The following RORA variants were observed in gnomAD, a reference collection of about 807,000 sequenced individuals.
RORA encodes RAR related orphan receptor A.
Under a neutral mutation model 69.5 loss-of-function variants are expected in RORA, and 7 were observed. The ratio of observed to expected loss-of-function variants is 0.10; its 90% CI spans 0.06 to 0.19. The LOEUF (loss-of-function observed/expected upper bound fraction) is 0.19, where lower values mean the gene tolerates loss of function less well. RORA is among the 10% of genes least tolerant of loss of function. The probability of loss-of-function intolerance (pLI) is 1.00; values close to 1 mark genes in which losing one functional copy is unlikely to be tolerated. For synonymous variants in RORA, 261 were observed against 240.8 expected (o/e 1.08, Z -0.78); for missense variants, 457 against 663.0 (o/e 0.69, Z 3.41).
intron 1 of RORA, among the ~76,000 whole-genome samples, chr15:60,721,325 A>G (rs948918290): frequency 2.6e-5 from 4 of 152,236 alleles, no homozygotes; most frequent in Admixed American, 2.6e-4. Flanking sequence ...CATGGTCTCA[A>G]GAGCTAGACA....
At chr15:60,853,391 T>C (rs1344168800) in intron 1 of RORA, among the ~76,000 whole-genome samples, 3 of 151,966 alleles carry the variant, frequency 2.0e-5, no homozygotes, top group African/African-American at 7.3e-5. Context: ...AGAAATGGAG[T>C]GACTGTAACC....
intron 1 of RORA, among the ~76,000 whole-genome samples, chr15:60,900,542 A>G (rs1467307979): frequency 6.6e-6 from 1 of 152,162 alleles, no homozygotes; most frequent in African/African-American, 2.4e-5. Context: ...TTTGGGGCAT[A>G]TATCTTATTT....
chr15:61,037,179 A>G (rs1053848499), intron 1 of RORA, among the ~76,000 whole-genome samples: 3 of 152,234 alleles, frequency 2.0e-5, no homozygotes, highest in Admixed American at 6.5e-5. Context: ...GCAATGTGTA[A>G]GAATTGAAAA....
intron 5 of RORA, among the ~76,000 whole-genome samples, chr15:60,508,382 A>G (rs953846636): frequency 6.6e-6 from 1 of 152,254 alleles, no homozygotes; most frequent in Non-Finnish European, 1.5e-5. Flanking sequence ...AAGGAACTTT[A>G]GATAGCATCT....
chr15:60,660,530 C>T lies in RORA; in HGVS notation c.196+18127G>A, dbSNP rs550817609. ...TTTTCAGTTGTAGTTTCACCTGCAC[C>T]TTAAAAAGAAATCTACCTGCATATG... On this transcript the variant is annotated intron_variant, in intron 2 of 10. Coordinates refer to ENST00000335670, the MANE Select transcript of RORA (RefSeq NM_134261.3). 2.0e-5 allele frequency among the ~76,000 whole-genome samples: 3 copies of T among 152,222 alleles called. No individual in the cohort carries two copies. In the East Asian group the frequency reaches 5.8e-4, roughly 29 times the overall value.
At chr15:60,574,972 G>A (rs2067984270) in intron 2 of RORA, among the ~76,000 whole-genome samples, 1 of 152,076 alleles carries the variant, frequency 6.6e-6, no homozygotes, top group Non-Finnish European at 1.5e-5. Flanking sequence ...AAACTACTGA[G>A]TCAGGGGCAG....
intron 2 of RORA, among the ~76,000 whole-genome samples, chr15:60,618,188 G>A (rs1456687956): frequency 6.6e-6 from 1 of 152,220 alleles, no homozygotes; most frequent in African/African-American, 2.4e-5. Context: ...TGGGGCAGAG[G>A]TGACTGGGGA....
rs557906264 is a variant in RORA at position 61,014,078 on chromosome 15, C to G, written c.166+214975G>C. On this transcript the variant is annotated intron_variant, in intron 1 of 10. Transcript: ENST00000335670. ...GATCACAGGCGTGAGCCACCGCACC[C>G]GGCCGGGTTGGCTTTTTAAATAACA... Among the ~76,000 whole-genome samples the G allele has an allele frequency of 6.2e-4, 94 of 152,128 alleles. 1 individual carries two copies. The highest frequency in any genetic ancestry group is 2.1e-3 in the African/African-American group (89 of 41,518).
chr15:61,078,447 C>A (rs987213454), intron 1 of RORA, among the ~76,000 whole-genome samples: 7 of 151,764 alleles, frequency 4.6e-5, no homozygotes, highest in Non-Finnish European at 1.0e-4. Flanking sequence ...GATCCGCTTG[C>A]CTTGGCCTCC....
chr15:61,041,291 G>A (rs1014566163), intron 1 of RORA, among the ~76,000 whole-genome samples: 6 of 152,246 alleles, frequency 3.9e-5, no homozygotes, highest in South Asian at 2.1e-4. Flanking sequence ...TGCCAGTGAC[G>A]TCACAGAAAA....
intron 1 of RORA, among the ~76,000 whole-genome samples, chr15:61,122,656 T>C (rs1043277355): frequency 2.6e-5 from 4 of 152,164 alleles, no homozygotes; most frequent in East Asian, 3.9e-4. Context: ...AATTTTTTTT[T>C]CCCTAAGCTT....
At chr15:60,526,773 G>A (rs2066371621) in intron 3 of RORA, among the ~76,000 whole-genome samples, 2 of 152,132 alleles carry the variant, frequency 1.3e-5, no homozygotes, top group Non-Finnish European at 2.9e-5. Flanking sequence ...ATTAGTTCAC[G>A]ACTAGCAACA....
intron 1 of RORA, among the ~76,000 whole-genome samples, chr15:61,092,749 G>T (rs981830469): frequency 1.3e-5 from 2 of 152,186 alleles, no homozygotes; most frequent in Non-Finnish European, 2.9e-5. Flanking sequence ...GTTATGAACT[G>T]CCCTGGGTGG....
chr15:60,808,859 T>A (rs544198067), intron 1 of RORA, among the ~76,000 whole-genome samples: 20 of 151,896 alleles, frequency 1.3e-4, no homozygotes, highest in Non-Finnish European at 2.4e-4. Flanking sequence ...GTGGAAGGAA[T>A]TGGTATTTGC....
chr15:60,790,152 C>G (rs1044802903), intron 1 of RORA, among the ~76,000 whole-genome samples: 8 of 152,242 alleles, frequency 5.3e-5, no homozygotes, highest in African/African-American at 1.9e-4. Context: ...TAATTTCACC[C>G]AGACCAGTGG....
intron 3 of RORA, chr15:60,528,508 T>C (rs1026415849): frequency 1.3e-5 from 2 of 152,238 alleles, no homozygotes; most frequent in South Asian, 4.1e-4. Context: ...TTCTATGTCT[T>C]TGGATCCCTT....
intron 1 of RORA, among the ~76,000 whole-genome samples, chr15:61,156,674 A>G (rs150427300): frequency 3.3e-5 from 5 of 152,360 alleles, no homozygotes; most frequent in Admixed American, 1.3e-4. Context: ...TAAAGATGAA[A>G]TACAGCAAAG....
At chr15:60,702,094 T>C (rs912704374) in intron 1 of RORA, among the ~76,000 whole-genome samples, 4 of 152,232 alleles carry the variant, frequency 2.6e-5, no homozygotes, top group Non-Finnish European at 5.9e-5. Flanking sequence ...TGATGGAGTT[T>C]GAGGCTGGGA....
chr15:61,072,695 T>C (rs1369407512), intron 1 of RORA, among the ~76,000 whole-genome samples: 2 of 152,230 alleles, frequency 1.3e-5, no homozygotes, highest in Non-Finnish European at 2.9e-5. Context: ...ATTCTTATTT[T>C]ATAAAACACA....
Sources: allele counts gnomAD v4.1 joint callset (sites outside exome capture counted in the v4.1 genomes callset), GRCh38; gene constraint gnomAD v4.1.1; transcripts MANE v1.5; gene names NCBI Gene and HGNC (gene_info 2026-07-23, HGNC 2026-07-21).